Variants in LOC400499 observed in about 807,000 individuals in gnomAD.
chr16:11,426,281 TAAA>T, the LOC400499 span, among the ~76,000 whole-genome samples: 1 of 151,944 alleles, frequency 6.6e-6, no homozygotes, highest in Non-Finnish European at 1.5e-5. Context: ...ACTAAGAATA[TAAA>T]AATTAGCCAG....
At chr16:11,492,493 T>G in the LOC400499 span, among the ~76,000 whole-genome samples, 3 of 151,934 alleles carry the variant, frequency 2.0e-5, no homozygotes, top group African/African-American at 7.2e-5. Context: ...ACATAAAAAG[T>G]TAGGTGGTGG....
the LOC400499 span, among the ~76,000 whole-genome samples, chr16:11,461,395 T>G: frequency 1.3e-5 from 2 of 152,158 alleles, no homozygotes; most frequent in Non-Finnish European, 2.9e-5. Flanking sequence ...AATTTTTGTA[T>G]TTTTTGTAGA....
At chr16:11,511,783 T>C in the LOC400499 span, among the ~76,000 whole-genome samples, 16 of 152,184 alleles carry the variant, frequency 1.1e-4, no homozygotes, top group Admixed American at 7.9e-4. Flanking sequence ...TCCCAGCACT[T>C]TGGGAGGCTG....
At chr16:11,390,205 G>T in the LOC400499 span, 1 of 1,232,502 alleles carries the variant, frequency 8.1e-7, no homozygotes, top group Non-Finnish European at 1.0e-6. Flanking sequence ...TGGGCGGCCT[G>T]GAGAGGGAGG....
At chr16:11,466,289 G>A in the LOC400499 span, among the ~76,000 whole-genome samples, 164 of 152,328 alleles carry the variant, frequency 1.1e-3, no homozygotes, top group Middle Eastern at 3.4e-3. Context: ...TTTCTGCAAT[G>A]AGGACAATGT....
the LOC400499 span, chr16:11,462,346 G>A: frequency 7.0e-7 from 1 of 1,433,922 alleles, no homozygotes; most frequent in Non-Finnish European, 9.1e-7. Flanking sequence ...GGCTTGGCCA[G>A]CAGGCCCAGC....
At chr16:11,517,487 G>T in the LOC400499 span, among the ~76,000 whole-genome samples, 1 of 152,150 alleles carries the variant, frequency 6.6e-6, no homozygotes, top group African/African-American at 2.4e-5. Flanking sequence ...CCACATTCTG[G>T]ATGAGGAAAC....
the LOC400499 span, chr16:11,456,818 C>G: frequency 1.2e-5 from 19 of 1,534,632 alleles, no homozygotes; most frequent in Non-Finnish European, 1.6e-5. Flanking sequence ...AGATCAGAAA[C>G]CTGAGCTGCT....
the LOC400499 span, among the ~76,000 whole-genome samples, chr16:11,495,389 T>A: frequency 1.6e-4 from 22 of 140,628 alleles, no homozygotes; most frequent in Non-Finnish European, 2.9e-4. Flanking sequence ...AAATCTTTTT[T>A]TTTTTTTTTA....
the LOC400499 span, chr16:11,473,156 T>C: frequency 6.8e-6 from 1 of 146,402 alleles, no homozygotes; most frequent in East Asian, 2.0e-4. Flanking sequence ...AAAAATGTAC[T>C]TGTTGCAGGA....
At chr16:11,489,751 G>C in the LOC400499 span, among the ~76,000 whole-genome samples, 1 of 152,200 alleles carries the variant, frequency 6.6e-6, no homozygotes, top group Non-Finnish European at 1.5e-5. Context: ...CCCCATGCCT[G>C]AAACTGCCAA....
At chr16:11,489,893 T>C in the LOC400499 span, among the ~76,000 whole-genome samples, 458 of 152,326 alleles carry the variant, frequency 3.0e-3, 5 homozygotes, top group African/African-American at 0.011. Flanking sequence ...AAAGTGAGAT[T>C]AACTCAAGGG....
chr16:11,453,375 C>T, the LOC400499 span, among the ~76,000 whole-genome samples: 3 of 152,086 alleles, frequency 2.0e-5, no homozygotes, highest in African/African-American at 4.8e-5. Context: ...AGCATAAGCA[C>T]ATATCCAAGG....
the LOC400499 span, among the ~76,000 whole-genome samples, chr16:11,452,201 G>GTTTTTTTTTTTT: frequency 3.9e-5 from 3 of 77,196 alleles, no homozygotes; most frequent in Admixed American, 1.2e-4. Context: ...CAGTTTTTTT[G>GTTTTTTTTTTTT]TTTGTTTTTT....
At chr16:11,410,180 G>A in the LOC400499 span, among the ~76,000 whole-genome samples, 12 of 152,158 alleles carry the variant, frequency 7.9e-5, no homozygotes, top group African/African-American at 2.4e-4. Flanking sequence ...AAGGCTGGGC[G>A]CAGTGGCTCA....
the LOC400499 span, among the ~76,000 whole-genome samples, chr16:11,437,276 C>G: frequency 4.6e-4 from 70 of 152,330 alleles, no homozygotes; most frequent in South Asian, 0.014. Context: ...AATCCACAGG[C>G]TGGCAGGGCA....
chr16:11,417,926 G>C, the LOC400499 span: 1 of 397,916 alleles, frequency 2.5e-6, no homozygotes, highest in Non-Finnish European at 4.4e-6. Flanking sequence ...ACAAACCCTG[G>C]GGTTATCAGT....
chr16:11,389,260 G>A, the LOC400499 span, among the ~76,000 whole-genome samples: 1 of 152,232 alleles, frequency 6.6e-6, no homozygotes, highest in Admixed American at 6.5e-5. Context: ...TCTCACCGAT[G>A]TTCCTTCTCT....
the LOC400499 span, among the ~76,000 whole-genome samples, chr16:11,380,243 C>CT: frequency 6.3e-3 from 921 of 146,468 alleles, 6 homozygotes; most frequent in African/African-American, 0.019. Context: ...CACCTAGCAT[C>CT]TTTTTTTTTT....
Sources: gnomAD v4.1 joint callset for allele counts (sites outside exome capture counted in the v4.1 genomes callset) on GRCh38, gnomAD v4.1.1 for gene constraint, MANE v1.5 for transcripts.